Variants in NPSR1 observed in about 807,000 individuals in gnomAD.
The protein encoded by NPSR1 is neuropeptide S receptor 1.
Under a neutral mutation model 46.9 loss-of-function variants are expected in NPSR1, and 48 were observed. That is an observed-to-expected ratio of 1.02 (90% CI 0.81 to 1.30). The LOEUF is 1.30. NPSR1 is among the 50% of genes most tolerant of loss of function. The pLI, the probability that NPSR1 is intolerant of heterozygous loss-of-function variation, is 0.00. For missense variants in NPSR1, 450 were observed against 449.5 expected (o/e 1.00, Z -0.01); for synonymous variants, 176 against 168.1 (o/e 1.05, Z -0.36).
chr7:34,751,353 T>A (rs1785514879), intron 2 of NPSR1: 2 of 1,027,372 alleles, frequency 1.9e-6, no homozygotes, highest in South Asian at 1.3e-5. Context: ...GTGAAGCAGC[T>A]GCAGAGAGGT....
chr7:34,710,207 C>G (rs918221383), intron 2 of NPSR1, among the ~76,000 whole-genome samples: 5 of 152,162 alleles, frequency 3.3e-5, no homozygotes, highest in African/African-American at 1.2e-4. Context: ...AGAAAGGCCA[C>G]CTTCTGACCA....
rs138362242 is a variant in NPSR1, at chr7:34,727,443, T to C, written c.280+42759T>C. ...CAAGTTTCCCTCAATGGTTTTTGCATAACATTTAACGTAACTCTAGTTTGA... is the reference window on the plus strand; with the variant it reads ...CAAGTTTCCCTCAATGGTTTTTGCACAACATTTAACGTAACTCTAGTTTGA... On this transcript the variant is annotated intron_variant, in intron 2 of 8. Coordinates refer to ENST00000360581, the MANE Select transcript of NPSR1 (RefSeq NM_207172.2). 3.8e-3 allele frequency among the ~76,000 whole-genome samples: 582 copies of C among 152,346 alleles called. 1 individual carries two copies. Among genetic ancestry groups the C allele is most frequent in the Non-Finnish European group, 6.6e-3 (452 of 68,028 alleles).
At chr7:34,846,537 C>T (rs1374184053) in intron 7 of NPSR1, among the ~76,000 whole-genome samples, 6 of 151,700 alleles carry the variant, frequency 4.0e-5, no homozygotes, top group Admixed American at 2.6e-4. Context: ...AAATGTATAC[C>T]AATTTTAATG....
chr7:34,705,998 T>A (rs183863341), intron 2 of NPSR1, among the ~76,000 whole-genome samples: 128 of 152,196 alleles, frequency 8.4e-4, no homozygotes, highest in African/African-American at 3.0e-3. Flanking sequence ...ATGAGCCTTT[T>A]TCTTCACTCC....
intron 2 of NPSR1, chr7:34,750,399 G>T: frequency 1.3e-6 from 1 of 744,626 alleles, no homozygotes; most frequent in South Asian, 1.4e-5. Context: ...GCTCGCTGCT[G>T]GGTGTTCGGA....
At chr7:34,665,672 C>T (rs1791707822) in intron 1 of NPSR1, among the ~76,000 whole-genome samples, 1 of 152,162 alleles carries the variant, frequency 6.6e-6, no homozygotes, top group Non-Finnish European at 1.5e-5. Context: ...GCCTTCTCTT[C>T]TAGGAAGGCT....
rs376815548 is a variant in NPSR1 at position 34,876,066 on chromosome 7, G to A, written c.1026-2010G>A. On this transcript the variant is annotated intron_variant, in intron 8 of 8. Transcript: ENST00000359791. ...TTGCCAGGGACTGGTAGGGATGGTG[G>A]GGCAGGGAGAGATGAAGGGGCAAAA... is the stretch of plus-strand genomic sequence containing the variant. 4.2e-3 allele frequency among the ~76,000 whole-genome samples: 638 copies of A among 152,272 alleles called. 2 individuals carry two copies. The highest frequency in any genetic ancestry group is 5.0e-3 in the East Asian group (26 of 5,182).
At chr7:34,871,821 C>T (rs150058126) in intron 8 of NPSR1, among the ~76,000 whole-genome samples, 2 of 152,048 alleles carry the variant, frequency 1.3e-5, no homozygotes, top group East Asian at 3.9e-4. Context: ...GCAGACCCAC[C>T]CCTGTGGCTT....
At chr7:34,823,131 C>T (rs756725172) in intron 4 of NPSR1, among the ~76,000 whole-genome samples, 20 of 152,102 alleles carry the variant, frequency 1.3e-4, no homozygotes, top group Non-Finnish European at 2.4e-4. Flanking sequence ...TGGCCCACGC[C>T]GGTAATCCCA....
intron 2 of NPSR1, among the ~76,000 whole-genome samples, chr7:34,730,488 T>C (rs1256389965): frequency 6.6e-6 from 1 of 152,234 alleles, no homozygotes; most frequent in African/African-American, 2.4e-5. Context: ...ATGTAGGACA[T>C]AGGTGTGTAG....
chr7:34,807,247 TGA>T (rs1788741951), intron 3 of NPSR1, among the ~76,000 whole-genome samples: 1 of 152,188 alleles, frequency 6.6e-6, no homozygotes, highest in Non-Finnish European at 1.5e-5. Flanking sequence ...TTAGAGCTAT[TGA>T]GAGGGTTTTT....
rs1165269370 is a variant in NPSR1, at chr7:34,727,693, T to C, written c.280+43009T>C. 4.5e-4 allele frequency among the ~76,000 whole-genome samples: 69 copies of C among 152,214 alleles called. 1 individual carries two copies. Among genetic ancestry groups the C allele is most frequent in the Admixed American group, 4.5e-3 (69 of 15,286 alleles). ...ATGACATCAGTAAAGAGCATGTGGT[T>C]CTTCTGATTTGCATATGCACTCAGT... is the stretch of plus-strand genomic sequence containing the variant. On this transcript the variant is annotated intron_variant, in intron 2 of 8. Coordinates refer to ENST00000360581, the MANE Select transcript of NPSR1 (RefSeq NM_207172.2).
chr7:34,829,571 T>C (rs1790021980), intron 5 of NPSR1, among the ~76,000 whole-genome samples: 1 of 152,176 alleles, frequency 6.6e-6, no homozygotes, highest in Admixed American at 6.5e-5. Context: ...GCTTCACTGC[T>C]GATTGATTTC....
intron 1 of NPSR1, among the ~76,000 whole-genome samples, chr7:34,677,309 C>T (rs761857711): frequency 3.3e-5 from 5 of 152,086 alleles, no homozygotes; most frequent in Non-Finnish European, 5.9e-5. Context: ...TCATCAATGC[C>T]GACGCTCTAT....
intron 2 of NPSR1, among the ~76,000 whole-genome samples, chr7:34,709,095 T>C (rs531570354): frequency 6.6e-6 from 1 of 152,314 alleles, no homozygotes; most frequent in South Asian, 2.1e-4. Flanking sequence ...TGCAGGGTCA[T>C]TCTTCTCCTC....
chr7:34,859,569 C>T (rs1338622154), intron 8 of NPSR1, among the ~76,000 whole-genome samples: 1 of 151,636 alleles, frequency 6.6e-6, no homozygotes, highest in Non-Finnish European at 1.5e-5. Flanking sequence ...ATCACCAAAG[C>T]TTGGGACTTT....
At chr7:34,764,289 A>T (rs2128730345) in intron 2 of NPSR1, among the ~76,000 whole-genome samples, 1 of 152,352 alleles carries the variant, frequency 6.6e-6, no homozygotes, top group South Asian at 2.1e-4. Flanking sequence ...TTCTTAAAGT[A>T]CAAATTTAAA....
chr7:34,827,437 G>A lies in NPSR1; in HGVS notation c.515G>A (p.Ser172Asn), dbSNP rs1219928028. The change falls in exon 5 of 9, where the codon AGC (serine) becomes AAC (asparagine). Residue 172 changes from serine to asparagine, a missense_variant. Transcript: ENST00000360581. ...QARVLIVIAWSLSFLFSIPTL... is the reference protein window; with the variant it reads ...QARVLIVIAWNLSFLFSIPTL... ...AGGGTCCTCATTGTGATCGCCTGGA[G>A]CCTGTCTTTTCTGTTCTCCATTCCC... 1 of 1,613,976 alleles carries A rather than the reference G, an allele frequency of 6.2e-7. No homozygotes were observed. The highest frequency in any genetic ancestry group is 1.3e-5 in the African/African-American group (1 of 74,894).
chr7:34,730,712 C>T (rs1021089159), intron 2 of NPSR1, among the ~76,000 whole-genome samples: 28 of 152,286 alleles, frequency 1.8e-4, no homozygotes, highest in African/African-American at 6.7e-4. Flanking sequence ...TCAAGCTCCT[C>T]CCTCTTCATT....
Sources: allele counts gnomAD v4.1 joint callset (sites outside exome capture counted in the v4.1 genomes callset), GRCh38; gene constraint gnomAD v4.1.1; transcripts MANE v1.5; gene names NCBI Gene and HGNC (gene_info 2026-07-23, HGNC 2026-07-21).